UBE2E2: variants seen among roughly 807,000 people sequenced by gnomAD.
The protein encoded by UBE2E2 is ubiquitin-conjugating enzyme E2 E2.
In UBE2E2, 6 loss-of-function variants were observed where a neutral mutation model predicts 24.7. That is an observed-to-expected ratio of 0.24 (90% CI 0.13 to 0.48). UBE2E2 has a LOEUF of 0.48. Among genes scored for constraint, UBE2E2 ranks in the 20% least tolerant of loss-of-function variants. The probability of loss-of-function intolerance (pLI) is 0.99; values close to 1 mark genes in which losing one functional copy is unlikely to be tolerated. For missense variants in UBE2E2, 169 were observed against 245.0 expected, an observed-to-expected ratio of 0.69 and a Z score of 2.07; for synonymous variants, 104 against 83.6, an observed-to-expected ratio of 1.24 and a Z score of -1.33.
At chr3:23,251,129 A>T (rs1697563327) in intron 3 of UBE2E2, among the ~76,000 whole-genome samples, 2 of 152,202 alleles carry the variant, frequency 1.3e-5, no homozygotes. Flanking sequence ...CACTGGGATT[A>T]CTGTGCCTAG....
intron 3 of UBE2E2, among the ~76,000 whole-genome samples, chr3:23,312,702 C>T (rs1694444716): frequency 6.6e-6 from 1 of 152,100 alleles, no homozygotes; most frequent in Admixed American, 6.5e-5. Context: ...AGTTAAGATG[C>T]ATCCTTGGGT....
chr3:23,524,865 G>GACACACACAC (rs59806964), intron 4 of UBE2E2, among the ~76,000 whole-genome samples: 3,953 of 147,502 alleles, frequency 0.027, 99 homozygotes, highest in South Asian at 0.093. Context: ...CAGACACACA[G>GACACACACAC]ACACACACAC....
intron 3 of UBE2E2, among the ~76,000 whole-genome samples, chr3:23,314,415 C>A (rs899590781): frequency 6.9e-6 from 1 of 144,738 alleles, no homozygotes; most frequent in Non-Finnish European, 1.5e-5. Context: ...CAGGTGTGAG[C>A]CACTGTGGCC....
chr3:23,224,043 C>CTA (rs1696742042), intron 3 of UBE2E2, among the ~76,000 whole-genome samples: 1 of 151,650 alleles, frequency 6.6e-6, no homozygotes, highest in South Asian at 2.1e-4. Flanking sequence ...GTTTTGATTA[C>CTA]TATAGCTTTG....
In UBE2E2 at chr3:23,450,073, G is replaced by A. The variant is rs76920265; in HGVS notation, c.228-49535G>A. The stretch of plus-strand genomic sequence containing the variant: ...GTCTGTTATGGGAATTGGCCAGGCC[G>A]TCTTCCTTTTCATCCCTTAAACATT... On this transcript the variant is annotated intron_variant, in intron 3 of 5. Transcript: ENST00000396703. The A allele has an allele frequency of 4.2e-3, 1,108 of 260,982 alleles. 11 individuals are homozygous for A. The highest frequency in any genetic ancestry group is 0.024 in the African/African-American group (1,025 of 43,608). 16.2% of individuals were successfully genotyped at this position (260,982 alleles called of 1,614,324 possible).
intron 3 of UBE2E2, among the ~76,000 whole-genome samples, chr3:23,458,445 G>A (rs989714903): frequency 3.3e-5 from 5 of 151,886 alleles, no homozygotes; most frequent in East Asian, 1.9e-4. Flanking sequence ...TGTTTGAGAC[G>A]GAGTCTCTAT....
At chr3:23,373,881 G>A (rs1429208581) in intron 3 of UBE2E2, among the ~76,000 whole-genome samples, 2 of 152,090 alleles carry the variant, frequency 1.3e-5, no homozygotes, top group Non-Finnish European at 2.9e-5. Flanking sequence ...AGCCCCAAAT[G>A]TAAACATATG....
chr3:23,510,880 A>G (rs1694580062), intron 4 of UBE2E2, among the ~76,000 whole-genome samples: 2 of 152,188 alleles, frequency 1.3e-5, no homozygotes, highest in African/African-American at 4.8e-5. Flanking sequence ...CCCTGGAAGC[A>G]TGGAGACAGA....
intron 3 of UBE2E2, among the ~76,000 whole-genome samples, chr3:23,244,827 A>T (rs949746753): frequency 1.1e-4 from 17 of 152,172 alleles, no homozygotes; most frequent in African/African-American, 3.9e-4. Flanking sequence ...GAGCTCTTTT[A>T]TACAAATGAA....
chr3:23,507,832 GT>G (rs1239284453), intron 4 of UBE2E2, among the ~76,000 whole-genome samples: 1 of 152,214 alleles, frequency 6.6e-6, no homozygotes, highest in Non-Finnish European at 1.5e-5. Flanking sequence ...AGGAAAGAAT[GT>G]TAGAAGAGAT....
intron 1 of UBE2E2, among the ~76,000 whole-genome samples, chr3:23,208,405 A>G (rs562253199): frequency 5.6e-4 from 85 of 152,246 alleles, no homozygotes; most frequent in African/African-American, 2.0e-3. Flanking sequence ...TTGTTCATCC[A>G]TTCATTTGTT....
At chr3:23,433,937 A>T (rs1698123651) in intron 3 of UBE2E2, among the ~76,000 whole-genome samples, 1 of 151,994 alleles carries the variant, frequency 6.6e-6, no homozygotes, top group South Asian at 2.1e-4. Context: ...CTTTTTTCTC[A>T]TTTACATTTA....
At chr3:23,349,514 T>C (rs12715046) in intron 3 of UBE2E2, among the ~76,000 whole-genome samples, 83,080 of 151,986 alleles carry the variant, frequency 0.55, 22,940 homozygotes, top group Admixed American at 0.66. Flanking sequence ...CCTGGAAAAT[T>C]GGGTCACTCC....
intron 5 of UBE2E2, among the ~76,000 whole-genome samples, chr3:23,535,396 G>A (rs920260491): frequency 4.6e-5 from 7 of 152,112 alleles, no homozygotes; most frequent in African/African-American, 7.2e-5. Flanking sequence ...ATCTAACGCC[G>A]TCACCTCAAC....
At chr3:23,243,687 A>G (rs1316973566) in intron 3 of UBE2E2, among the ~76,000 whole-genome samples, 1 of 151,762 alleles carries the variant, frequency 6.6e-6, no homozygotes, top group Non-Finnish European at 1.5e-5. Flanking sequence ...GATTAACTGA[A>G]CTTCTGAATA....
chr3:23,523,415 A>ATT (rs1409081082), intron 4 of UBE2E2, among the ~76,000 whole-genome samples: 1 of 152,226 alleles, frequency 6.6e-6, no homozygotes. Context: ...TGTCTGTGGC[A>ATT]TAAAGGTCTT....
intron 3 of UBE2E2, among the ~76,000 whole-genome samples, chr3:23,306,260 G>A (rs1699233631): frequency 6.6e-6 from 1 of 152,180 alleles, no homozygotes; most frequent in Non-Finnish European, 1.5e-5. Flanking sequence ...GACTGTCTGT[G>A]TCTCAGTTCT....
At chr3:23,294,984 C>CT (rs1376137950) in intron 3 of UBE2E2, among the ~76,000 whole-genome samples, 1 of 152,078 alleles carries the variant, frequency 6.6e-6, no homozygotes, top group Non-Finnish European at 1.5e-5. Context: ...TCTAAAACCA[C>CT]TTCTCTCTAC....
At position 23,589,888 on chromosome 3, in the gene UBE2E2, G is replaced by A. The variant is rs879805113; in HGVS notation, c.*57G>A. ...TGCAAGCACATTCACCAAGTGCATC[G>A]GTAGCCCTGCCCACCCCTCCAGACC... On this transcript the variant is annotated 3_prime_UTR_variant, in exon 6 of 6. Transcript: ENST00000396703. The surrounding 1 kb of genome is among the most constrained non-coding windows in gnomAD (Gnocchi z 4.1). 2.0e-5 allele frequency: 31 copies of A among 1,555,368 alleles called. No individual in the cohort carries two copies. The highest frequency in any genetic ancestry group is 2.4e-5 in the Non-Finnish European group (27 of 1,129,320).
Sources: gnomAD v4.1 joint callset for allele counts (sites outside exome capture counted in the v4.1 genomes callset) on GRCh38, gnomAD v4.1.1 for gene constraint, Gnocchi (gnomAD v3.1) non-coding constraint, MANE v1.5 for transcripts, NCBI Gene and HGNC (gene_info 2026-07-23, HGNC 2026-07-21) for gene names.